MYBBP1A: variants seen among roughly 807,000 people sequenced by gnomAD.
The protein encoded by MYBBP1A is myb-binding protein 1A.
Under a neutral mutation model 136.3 loss-of-function variants are expected in MYBBP1A, and 147 were observed. That is an observed-to-expected ratio of 1.08 (90% confidence interval 0.94 to 1.24). The LOEUF is 1.24. MYBBP1A is among the 50% of genes most tolerant of loss of function. MYBBP1A has a pLI of 0.00. For missense variants in MYBBP1A, 2,060 were observed against 1,727.4 expected (o/e 1.19, Z -3.41); for synonymous variants, 947 against 735.8 (o/e 1.29, Z -4.65).
Position 4,544,770 on chromosome 17 carries a change from C to A in MYBBP1A, c.2462G>T (p.Arg821Leu), listed in dbSNP as rs537566248. The change falls in exon 18 of 26, where the codon CGG becomes CTG. Residue 821 changes from arginine (R) to leucine (L), a missense_variant. Physicochemically the swap from Arg to Leu is moderately radical, Grantham distance 102 (BLOSUM62 -2). Transcript: ENST00000254718. ...GCTCACCCGGATCTGGAAGTCGCGCCGCAGAGCCTTCTCCTTCTGCAGCTT... is the reference window on the plus strand; with the variant it reads ...GCTCACCCGGATCTGGAAGTCGCGCAGCAGAGCCTTCTCCTTCTGCAGCTT... ...KNKLQKEKAL[R>L]RDFQIRVLDL... 6.3e-7 allele frequency: 1 copy of A among 1,581,396 alleles called. No individual in the cohort carries two copies.
At position 4,545,866 on chromosome 17, in the gene MYBBP1A, C is replaced by T. The variant is rs113084159; in HGVS notation, c.1901G>A (p.Arg634Gln). ...IRKSLGEKPR[R>Q]SRTKTIDPQE... ...CCCACCGATGGTCTTGGTGCGGCTC[C>T]GGCGGGGCTTCTCTCCCAGACTTTT... Residue 634 changes from arginine to glutamine, a missense_variant, in exon 14 of 26, where the codon CGG becomes CAG. Coordinates refer to ENST00000254718, the MANE Select transcript of MYBBP1A (RefSeq NM_014520.4). 3.5e-5 allele frequency: 57 copies of T among 1,613,254 alleles called. No homozygotes were observed. Among genetic ancestry groups the T allele is most frequent in the African/African-American group, 1.3e-4 (10 of 75,052 alleles).
rs779323941 is a variant in MYBBP1A at position 4,539,722 on chromosome 17, G to A, written c.3680C>T (p.Thr1227Met). The A allele has an allele frequency of 3.1e-5, 50 of 1,609,590 alleles. No homozygotes were observed. The highest frequency in any genetic ancestry group is 1.6e-4 in the African/African-American group (12 of 74,668). The change falls in exon 26 of 26, where the codon ACG (threonine) becomes ATG (methionine). Residue 1227 changes from threonine to methionine, a missense_variant. Physicochemically the swap from Thr to Met is moderately conservative, Grantham distance 81 (BLOSUM62 -1). Transcript: ENST00000254718. ...AGGGGCTGGACTCTTGGTGGTTGGC[G>A]TCCCGTTTGCCTGGGCTGGGACCTT... Reference protein sequence around the residue: ...KAKVPAQANGTPTTKSPAPGA... With the variant: ...KAKVPAQANGMPTTKSPAPGA...
chr17:4,550,493 G>C (rs1270721942), intron 8 of MYBBP1A, 140 bp from the exon 9 acceptor site: 3 of 916,214 alleles, frequency 3.3e-6, no homozygotes, highest in Admixed American at 4.7e-5. Context: ...CACCAGGCTT[G>C]TGCCCACTAC....
At chr17:4,553,997 C>CCA (rs1436082251) in intron 4 of MYBBP1A, 22 bp downstream of exon 4, 2 of 1,614,020 alleles carry the variant, frequency 1.2e-6, no homozygotes, top group Admixed American at 3.3e-5. Context: ...CTACATTCCC[C>CCA]CAGTCCCTCC....
At position 4,539,716 on chromosome 17, in the gene MYBBP1A, G is replaced by A. The variant is rs777465263; in HGVS notation, c.3686C>T (p.Thr1229Ile). ...KVPAQANGTP[T>I]TKSPAPGAPT... ...GGCGCCAGGGGCTGGACTCTTGGTG[G>A]TTGGCGTCCCGTTTGCCTGGGCTGG... The change falls in exon 26 of 26, where the codon ACC (threonine) becomes ATC (isoleucine). Residue 1229 changes from threonine (T) to isoleucine (I), a missense_variant. Physicochemically the swap from Thr to Ile is moderately conservative, Grantham distance 89. Coordinates refer to ENST00000254718, the MANE Select transcript of MYBBP1A (RefSeq NM_014520.4). 1 of 1,609,914 alleles carries A rather than the reference G, an allele frequency of 6.2e-7. No individual in the cohort carries two copies.
intron 13 of MYBBP1A, among the ~76,000 whole-genome samples, chr17:4,546,998 G>A (rs563294762): frequency 4.7e-5 from 7 of 150,138 alleles, no homozygotes; most frequent in Middle Eastern, 3.4e-3. Context: ...TGCAACCTCC[G>A]CCTCCCAGGT....
Position 4,554,273 on chromosome 17 carries a change from T to A in MYBBP1A, c.300A>T (p.Leu100Phe), listed in dbSNP as rs752978655. The change falls in exon 3 of 26, where the codon TTA (leucine) becomes TTT (phenylalanine). Residue 100 changes from leucine (L) to phenylalanine (F), a missense_variant. Leu to Phe is a conservative substitution (Grantham distance 22, BLOSUM62 0). Coordinates refer to ENST00000254718, the MANE Select transcript of MYBBP1A (RefSeq NM_014520.4). Reference protein sequence around the residue: ...PCYSLALAQLLQSFEDLPLCS... With the variant: ...PCYSLALAQLFQSFEDLPLCS... The stretch of plus-strand genomic sequence containing the variant: ...ACAAGGGGAGGTCTTCAAAAGACTG[T>A]AACAGCTGCCAGGAGTTGTGTGGCA... 6.2e-7 allele frequency: 1 copy of A among 1,613,940 alleles called. No homozygotes were observed. The highest frequency in any genetic ancestry group is 1.7e-5 in the Admixed American group (1 of 60,010).
Position 4,555,355 on chromosome 17 carries a change from G to C in MYBBP1A, c.-31C>G, listed in dbSNP as rs370437719. 25 of 1,570,272 alleles carry C rather than the reference G, an allele frequency of 1.6e-5. 1 individual carries two copies. In the South Asian group the frequency reaches 2.7e-4, roughly 17 times the overall value. ...CCACACTCACCGAAACACGAAACAC[G>C]TGTGCTCCGGCCCCAGCCGCTTCCA... On this transcript the variant is annotated 5_prime_UTR_variant, in exon 1 of 26. Coordinates refer to ENST00000254718, the MANE Select transcript of MYBBP1A (RefSeq NM_014520.4).
intron 22 of MYBBP1A, 172 bp downstream of exon 22, chr17:4,542,292 G>A: frequency 1.4e-6 from 1 of 734,570 alleles, no homozygotes; most frequent in South Asian, 1.9e-5. Flanking sequence ...AGGGGCCAGG[G>A]CACGGCCACC....
At chr17:4,549,951 C>T (rs1907355534) in intron 9 of MYBBP1A, 107 bp downstream of exon 9, 2 of 1,279,198 alleles carry the variant, frequency 1.6e-6, no homozygotes, top group South Asian at 2.9e-5. Context: ...TCGCTCCTCT[C>T]ATGGTTTAGA....
At chr17:4,541,588 G>A (rs1426297938) in intron 23 of MYBBP1A, 24 bp from the exon 24 acceptor site, 2 of 1,605,232 alleles carry the variant, frequency 1.2e-6, no homozygotes, top group South Asian at 1.1e-5. Flanking sequence ...GCCAGGCTGA[G>A]GCACTCCGGA....
intron 19 of MYBBP1A, 117 bp downstream of exon 19, chr17:4,544,372 G>T: frequency 6.6e-6 from 9 of 1,354,220 alleles, no homozygotes; most frequent in Non-Finnish European, 9.0e-6. Context: ...CGAGCTAGGG[G>T]CCCAGGCTGG....
Position 4,552,094 on chromosome 17 carries a change from G to A in MYBBP1A, c.905+31C>T, listed in dbSNP as rs369567834. 319 of 1,605,596 alleles carry A rather than the reference G, an allele frequency of 2.0e-4. No individual in the cohort carries two copies. The highest frequency in any genetic ancestry group is 2.6e-4 in the Non-Finnish European group (304 of 1,175,234). ...CTAGCCCACTTCACGGACAGGGAAGGGGGCCGAGAGAGGACACGCGTCGCC... is the reference window on the plus strand; with the variant it reads ...CTAGCCCACTTCACGGACAGGGAAGAGGGCCGAGAGAGGACACGCGTCGCC... On this transcript the variant is annotated intron_variant, in intron 7 of 25. Coordinates refer to ENST00000254718, the MANE Select transcript of MYBBP1A (RefSeq NM_014520.4). The surrounding 1 kb of genome is among the most constrained non-coding windows in gnomAD (Gnocchi z 4.7).
chr17:4,544,425 C>T, intron 19 of MYBBP1A, 64 bp downstream of exon 19: 6 of 1,532,874 alleles, frequency 3.9e-6, no homozygotes, highest in South Asian at 1.2e-5. Context: ...AAGCCTAGAG[C>T]TCTGGCTCTC....
chr17:4,542,024 C>G (rs1258481527), intron 22 of MYBBP1A, 133 bp from the exon 23 acceptor site: 6 of 653,594 alleles, frequency 9.2e-6, no homozygotes, highest in Non-Finnish European at 1.3e-5. Context: ...GCTCTGGGCT[C>G]TGTGACTACC....
At position 4,550,343 on chromosome 17, in the gene MYBBP1A, T is replaced by C; in HGVS notation, c.1034A>G (p.Gln345Arg). The change falls in exon 9 of 26, where the codon CAG becomes CGG. Residue 345 changes from glutamine (Q) to arginine (R), a missense_variant. By Grantham distance (43) the Gln-to-Arg change is conservative (BLOSUM62 1). Transcript: ENST00000254718. ...EHVCTAKLPK[Q>R]FKFAPEMDDY... The stretch of plus-strand genomic sequence containing the variant: ...GTCCATCTCTGGGGCAAACTTGAAC[T>C]GCTTTGGGAGCTGCAAGAGTTAGGC... 1 of 1,611,426 alleles carries C rather than the reference T, an allele frequency of 6.2e-7. No homozygotes were observed. The highest frequency in any genetic ancestry group is 1.7e-5 in the Admixed American group (1 of 59,950).
rs534241110 is a variant in MYBBP1A, at chr17:4,542,993, T to C, written c.2812A>G (p.Thr938Ala). The part of the protein sequence containing the change: ...LYLLRVLKGN[T>A]AEGCVHETQE... ...GTCTCATGCACGCAGCCCTCAGCAG[T>C]GTTGCCCTTCAAGACCCGGAGCAGG... The change falls in exon 20 of 26, where the codon ACT (threonine) becomes GCT (alanine). Residue 938 changes from threonine to alanine, a missense_variant. Physicochemically the swap from Thr to Ala is moderately conservative, Grantham distance 58 (BLOSUM62 0). Coordinates refer to ENST00000254718, the MANE Select transcript of MYBBP1A (RefSeq NM_014520.4). 3.7e-5 allele frequency: 60 copies of C among 1,613,954 alleles called. No individual in the cohort carries two copies. In the East Asian group the frequency reaches 7.8e-4, roughly 21 times the overall value.
chr17:4,554,830 G>GGCT (rs1380054084), intron 2 of MYBBP1A, 31 bp downstream of exon 2: 24 of 1,606,372 alleles, frequency 1.5e-5, no homozygotes, highest in Non-Finnish European at 2.0e-5. Flanking sequence ...TGACCTGGAT[G>GGCT]GCTGGGACCC....
In MYBBP1A at chr17:4,545,946, C is replaced by T. The variant is rs112317443; in HGVS notation, c.1825-4G>A. ...GGTCACAGCTCTCTGCAGGGGACTG[C>T]GGGCAGGGTAGGACACACACTGGGG... is the stretch of plus-strand genomic sequence containing the variant. On this transcript the variant is annotated splice_polypyrimidine_tract_variant and splice_region_variant and intron_variant, in intron 13 of 25. Coordinates refer to ENST00000254718, the MANE Select transcript of MYBBP1A (RefSeq NM_014520.4). 6.3e-3 allele frequency: 10,121 copies of T among 1,612,238 alleles called. 52 individuals carry two copies. Among genetic ancestry groups the T allele is most frequent in the Middle Eastern group, 9.4e-3 (57 of 6,060 alleles).
Sources: allele counts gnomAD v4.1 joint callset (sites outside exome capture counted in the v4.1 genomes callset), GRCh38; gene constraint gnomAD v4.1.1; non-coding constraint Gnocchi (gnomAD v3.1); transcripts MANE v1.5; gene names NCBI Gene and HGNC (gene_info 2026-07-23, HGNC 2026-07-21).